Variants in NDST3 observed in about 807,000 individuals in gnomAD.
NDST3 encodes the protein bifunctional heparan sulfate N-deacetylase/N-sulfotransferase 3.
NDST3 carries 58 observed loss-of-function variants against 96.1 expected under a neutral mutation model. The ratio of observed to expected loss-of-function variants is 0.60; its 90% confidence interval spans 0.49 to 0.75. NDST3 has a LOEUF of 0.75. NDST3 is among the 30% of genes least tolerant of loss of function. The pLI is 0.00. For synonymous variants in NDST3, 333 were observed against 359.7 expected (o/e 0.93, Z 0.84); for missense variants, 788 against 1,034.2 (o/e 0.76, Z 3.27).
At chr4:118,072,484 A>G (rs192215209) in intron 2 of NDST3, among the ~76,000 whole-genome samples, 95 of 151,906 alleles carry the variant, frequency 6.3e-4, no homozygotes, top group African/African-American at 2.2e-3. Context: ...TGGTTTGTGA[A>G]TGGCTATTGT....
In NDST3 at chr4:118,115,931, C is replaced by T. The variant is rs568305415; in HGVS notation, c.1224+971C>T. 2.0e-5 allele frequency among the ~76,000 whole-genome samples: 3 copies of T among 152,256 alleles called. No homozygotes were observed. In the East Asian group the frequency reaches 5.8e-4, roughly 29 times the overall value. ...TCTACTCCCCCAAATAAACAAACAGCTTCAGGTGCACCTTTGCCACATATT... is the reference window on the plus strand; with the variant it reads ...TCTACTCCCCCAAATAAACAAACAGTTTCAGGTGCACCTTTGCCACATATT... On this transcript the variant is annotated intron_variant, in intron 4 of 13. Transcript: ENST00000296499.
Position 118,255,665 on chromosome 4 carries a change from C to G in NDST3, c.2575C>G (p.Gln859Glu). The change falls in exon 14 of 14, where the codon CAG (glutamine) becomes GAG (glutamate). Residue 859 changes from glutamine to glutamate, a missense_variant. Gln to Glu is a conservative substitution (Grantham distance 29, BLOSUM62 2). Coordinates refer to ENST00000296499, the MANE Select transcript of NDST3 (RefSeq NM_004784.3). The part of the protein sequence containing the change: ...ELSKLLHKLG[Q>E]PLPSWLRQEL... Reference sequence around the variant, plus strand: ...CTCAAAGCTGCTGCACAAACTGGGTCAGCCTCTGCCATCCTGGCTGAGACA... The same window carrying G: ...CTCAAAGCTGCTGCACAAACTGGGTGAGCCTCTGCCATCCTGGCTGAGACA... 2 of 1,613,820 alleles carry G rather than the reference C, an allele frequency of 1.2e-6. No individual in the cohort carries two copies. Among genetic ancestry groups the G allele is most frequent in the Non-Finnish European group, 1.7e-6 (2 of 1,179,810 alleles).
At chr4:118,255,489 T>C (rs1244131361) in intron 13 of NDST3, 104 bp from the exon 14 acceptor site, 5 of 1,211,126 alleles carry the variant, frequency 4.1e-6, no homozygotes, top group African/African-American at 1.5e-5. Context: ...AATACAAATT[T>C]TAATCCAGAT....
chr4:118,197,184 T>A (rs111472985), intron 6 of NDST3, among the ~76,000 whole-genome samples: 1,803 of 152,276 alleles, frequency 0.012, 32 homozygotes, highest in African/African-American at 0.041. Context: ...CTAGTTTTAT[T>A]CCATTGTGGT....
At chr4:118,094,818 T>A (rs1729158398) in intron 2 of NDST3, among the ~76,000 whole-genome samples, 1 of 151,786 alleles carries the variant, frequency 6.6e-6, no homozygotes, top group South Asian at 2.1e-4. Context: ...GCTAAATAGA[T>A]GGCTATAAAT....
At chr4:118,203,739 C>A (rs1738247883) in intron 6 of NDST3, among the ~76,000 whole-genome samples, 1 of 152,180 alleles carries the variant, frequency 6.6e-6, no homozygotes, top group African/African-American at 2.4e-5. Context: ...CTAATACTTA[C>A]ACATGTAAGT....
chr4:118,194,433 T>G, intron 6 of NDST3: 1 of 735,444 alleles, frequency 1.4e-6, no homozygotes, highest in Non-Finnish European at 2.6e-6. Flanking sequence ...TATTCTGGTT[T>G]GCAGGTGATA....
intron 1 of NDST3, among the ~76,000 whole-genome samples, chr4:118,040,667 C>T (rs1360682115): frequency 2.0e-5 from 3 of 151,486 alleles, no homozygotes; most frequent in Non-Finnish European, 4.4e-5. Flanking sequence ...GTGCCAAACA[C>T]TATTATAAGA....
At position 118,066,184 on chromosome 4, in the gene NDST3, ATATC is replaced by A. The variant is rs1379729072; in HGVS notation, c.981+11295_981+11298del. Reference sequence around the variant, plus strand: ...TTATATATTATATTTTATATATTATATATCTTATATATTATATTTTATATATTAT... The same window carrying A: ...TTATATATTATATTTTATATATTATATTATATATTATATTTTATATATTAT... On this transcript the variant is annotated intron_variant, in intron 2 of 13. Coordinates refer to ENST00000296499, the MANE Select transcript of NDST3 (RefSeq NM_004784.3). 8.1e-4 allele frequency among the ~76,000 whole-genome samples: 18 copies of A among 22,322 alleles called. 1 individual carries two copies. The highest frequency in any genetic ancestry group is 1.4e-3 in the African/African-American group (16 of 11,130). 14.6% of individuals were successfully genotyped at this position (22,322 alleles called of 152,430 possible). A position where few individuals can be genotyped will look rare whatever the true frequency, so the allele number is the denominator to read the frequency against.
At chr4:118,039,376 G>A (rs1188694713) in intron 1 of NDST3, among the ~76,000 whole-genome samples, 1 of 152,146 alleles carries the variant, frequency 6.6e-6, no homozygotes, top group Non-Finnish European at 1.5e-5. Context: ...GTTTGTGAGT[G>A]CCAGCTGCTA....
intron 1 of NDST3, among the ~76,000 whole-genome samples, chr4:118,044,965 A>G (rs1399562312): frequency 2.6e-5 from 4 of 152,010 alleles, no homozygotes; most frequent in African/African-American, 9.7e-5. Flanking sequence ...ACCTCCCAAC[A>G]CTGTTGCATT....
intron 1 of NDST3, among the ~76,000 whole-genome samples, chr4:118,044,629 C>T (rs1405494422): frequency 6.6e-6 from 1 of 152,122 alleles, no homozygotes; most frequent in Admixed American, 6.5e-5. Flanking sequence ...TTATGTTATC[C>T]CCCTAATCAA....
intron 6 of NDST3, among the ~76,000 whole-genome samples, chr4:118,212,928 AC>A: frequency 6.6e-6 from 1 of 152,274 alleles, no homozygotes; most frequent in African/African-American, 2.4e-5. Flanking sequence ...ACTATATTGA[AC>A]TTTTAGCATG....
chr4:118,204,081 G>A (rs970651056), intron 6 of NDST3, among the ~76,000 whole-genome samples: 2 of 151,926 alleles, frequency 1.3e-5, no homozygotes, highest in Non-Finnish European at 2.9e-5. Flanking sequence ...ACCTAGTTTC[G>A]ATCAGAAATT....
chr4:118,160,819 C>G (rs1426986082), intron 6 of NDST3, among the ~76,000 whole-genome samples: 2 of 152,070 alleles, frequency 1.3e-5, no homozygotes, highest in South Asian at 4.2e-4. Flanking sequence ...GTTTGAATTT[C>G]CTCCTGTAGC....
chr4:118,127,196 C>T (rs1334193300), intron 4 of NDST3, among the ~76,000 whole-genome samples: 7 of 151,728 alleles, frequency 4.6e-5, no homozygotes, highest in Non-Finnish European at 8.8e-5. Flanking sequence ...CATTTTAACT[C>T]GATGTGATCC....
intron 3 of NDST3, among the ~76,000 whole-genome samples, chr4:118,111,005 G>A (rs978013103): frequency 6.6e-6 from 1 of 152,156 alleles, no homozygotes; most frequent in African/African-American, 2.4e-5. Context: ...ATGAAATCAT[G>A]TCCTTTGCAG....
intron 2 of NDST3, among the ~76,000 whole-genome samples, chr4:118,061,089 C>T (rs1346345285): frequency 6.6e-6 from 1 of 152,128 alleles, no homozygotes; most frequent in Admixed American, 6.6e-5. Flanking sequence ...CTGCTCAAAA[C>T]CCTCCAGCAA....
At chr4:118,152,259 A>G (rs1734449019) in intron 6 of NDST3, among the ~76,000 whole-genome samples, 1 of 152,170 alleles carries the variant, frequency 6.6e-6, no homozygotes, top group Non-Finnish European at 1.5e-5. Flanking sequence ...CTTCCTGTAT[A>G]GAGACTCATT....
Sources: gnomAD v4.1 joint callset for allele counts (sites outside exome capture counted in the v4.1 genomes callset) on GRCh38, gnomAD v4.1.1 for gene constraint, MANE v1.5 for transcripts, NCBI Gene and HGNC (gene_info 2026-07-23, HGNC 2026-07-21) for gene names.